Variants in ZMYM2 observed in about 807,000 individuals in gnomAD.
ZMYM2 encodes the protein zinc finger MYM-type protein 2.
ZMYM2 carries 56 observed loss-of-function variants against 162.8 expected under a neutral mutation model. That is an observed-to-expected ratio of 0.34 (90% CI 0.28 to 0.43). ZMYM2 has a LOEUF of 0.43. ZMYM2 is among the 20% of genes least tolerant of loss of function. The pLI, the probability that ZMYM2 is intolerant of heterozygous loss-of-function variation, is 1.00. For synonymous variants in ZMYM2, 510 were observed against 541.6 expected (o/e 0.94, Z 0.81); for missense variants, 1,275 against 1,621.8 (o/e 0.79, Z 3.67).
rs1174623729 is a variant in ZMYM2 at position 19,983,574 on chromosome 13, A to G, written c.-10-9489A>G. Among the ~76,000 whole-genome samples the G allele has an allele frequency of 2.6e-5, 4 of 152,186 alleles. No homozygotes were observed. The East Asian group carries it at 5.8e-4, about 22-fold the overall frequency. On this transcript the variant is annotated intron_variant, in intron 2 of 24. Coordinates refer to ENST00000610343, the MANE Select transcript of ZMYM2 (RefSeq NM_197968.4). ...CTTGACTTTAATGATAATGCTTTTA[A>G]TAATTCTTTCTTCCTATAATTCCTT... is the stretch of plus-strand genomic sequence containing the variant.
chr13:19,997,597 T>A (rs994920045), intron 3 of ZMYM2, among the ~76,000 whole-genome samples: 6 of 152,158 alleles, frequency 3.9e-5, no homozygotes, highest in African/African-American at 1.4e-4. Context: ...TTTAGAAAGC[T>A]CTTAGCAATT....
intron 4 of ZMYM2, among the ~76,000 whole-genome samples, chr13:20,003,610 A>G (rs1453183595): frequency 1.3e-5 from 2 of 150,346 alleles, no homozygotes; most frequent in African/African-American, 4.9e-5. Flanking sequence ...CCTCTCTTCT[A>G]CTGTTTTTTT....
Position 20,066,952 on chromosome 13 carries a change from A to G in ZMYM2, c.3234A>G (p.Ala1078=), listed in dbSNP as rs1203583907. 1.2e-6 allele frequency: 2 copies of G among 1,613,374 alleles called. No individual in the cohort carries two copies. Among genetic ancestry groups the G allele is most frequent in the African/African-American group, 2.7e-5 (2 of 74,912 alleles). The change falls in exon 20 of 25, where the codon GCA becomes GCG. Residue 1078 remains alanine (A), a synonymous_variant. Transcript: ENST00000610343. ...FPFKYTYGVN[A]WKHWVKTRQL... is the part of the protein sequence containing the mutation. ...TCAAATATACGTATGGCGTAAATGCATGGAAACACTGGGTCAAAACTAGGC... is the reference window on the plus strand; with the variant it reads ...TCAAATATACGTATGGCGTAAATGCGTGGAAACACTGGGTCAAAACTAGGC...
At chr13:20,059,425 T>G (rs1266473751) in intron 15 of ZMYM2, 22 bp from the exon 16 acceptor site, 1 of 1,612,252 alleles carries the variant, frequency 6.2e-7, no homozygotes, top group South Asian at 1.1e-5. Context: ...CATTGCTCCT[T>G]AAATATGTTT....
At chr13:20,048,309 A>T (rs1174757270) in intron 12 of ZMYM2, among the ~76,000 whole-genome samples, 3 of 151,826 alleles carry the variant, frequency 2.0e-5, no homozygotes, top group Non-Finnish European at 2.9e-5. Context: ...AATTTTTTTG[A>T]AATTATTTTT....
intron 12 of ZMYM2, among the ~76,000 whole-genome samples, chr13:20,043,431 C>T (rs1954461789): frequency 6.6e-6 from 1 of 152,138 alleles, no homozygotes; most frequent in South Asian, 2.1e-4. Context: ...GCACTTGCCA[C>T]AGTGGTGGAT....
chr13:20,082,344 A>G (rs1051952805), intron 22 of ZMYM2, among the ~76,000 whole-genome samples: 4 of 152,346 alleles, frequency 2.6e-5, no homozygotes, highest in Middle Eastern at 3.4e-3. Flanking sequence ...AATGTAATCT[A>G]CTTTCTCTGG....
the ZMYM2 span, among the ~76,000 whole-genome samples, chr13:19,921,910 G>A: frequency 1.2e-5 from 1 of 81,946 alleles, no homozygotes; most frequent in African/African-American, 3.3e-5. Context: ...GCAGTTACAA[G>A]TATTTTTTTT....
rs1432906557 is a variant in ZMYM2, at chr13:20,077,304, C to G, written c.3454-4712C>G. Among the ~76,000 whole-genome samples the G allele has an allele frequency of 3.3e-5, 5 of 150,398 alleles. 1 individual carries two copies. Among genetic ancestry groups the G allele is most frequent in the African/African-American group, 7.5e-5 (3 of 39,746 alleles). On this transcript the variant is annotated intron_variant, in intron 21 of 24. Transcript: ENST00000610343. ...CGTGCTTGATGTGTCATTCAGTCCT[C>G]TCAACAACTTTACTATAATTATCAG... is the stretch of plus-strand genomic sequence containing the variant.
the ZMYM2 span, among the ~76,000 whole-genome samples, chr13:19,914,434 A>T: frequency 6.6e-6 from 1 of 152,192 alleles, no homozygotes; most frequent in Non-Finnish European, 1.5e-5. Context: ...CCACTCTCCA[A>T]GGCTGACTTG....
the ZMYM2 span, among the ~76,000 whole-genome samples, chr13:19,893,551 A>G: frequency 6.6e-6 from 1 of 151,884 alleles, no homozygotes. Flanking sequence ...CAGCCGGGCC[A>G]GCATAGTGAA....
Position 20,062,950 on chromosome 13 carries a change from A to G in ZMYM2, c.3016A>G (p.Ile1006Val), listed in dbSNP as rs1309079681. ...TGTACCATATGAACCAGATTTGGATATCGAAATAGATTTTCCCAGAGGTAC... is the reference window on the plus strand; with the variant it reads ...TGTACCATATGAACCAGATTTGGATGTCGAAATAGATTTTCCCAGAGGTAC... ...PDVPYEPDLD[I>V]EIDFPRAAEE... is the part of the protein sequence containing the mutation. The change falls in exon 18 of 25, where the codon ATC (isoleucine) becomes GTC (valine). Residue 1006 changes from isoleucine to valine, a missense_variant. By Grantham distance (29) the Ile-to-Val change is conservative (BLOSUM62 3). This residue lies in a region of ZMYM2 where 229 missense variants were observed against 283.8 expected (regional missense o/e 0.81). Transcript: ENST00000610343. The G allele has an allele frequency of 1.9e-6, 3 of 1,602,286 alleles. No individual in the cohort carries two copies. The highest frequency in any genetic ancestry group is 2.6e-6 in the Non-Finnish European group (3 of 1,174,016).
chr13:19,997,391 G>A (rs760825899), intron 3 of ZMYM2, among the ~76,000 whole-genome samples: 12 of 152,108 alleles, frequency 7.9e-5, no homozygotes, highest in African/African-American at 1.4e-4. Context: ...TGCCCCTAAC[G>A]ATTTTTGGTT....
intron 12 of ZMYM2, among the ~76,000 whole-genome samples, chr13:20,043,692 T>C (rs912153911): frequency 2.4e-4 from 37 of 151,500 alleles, no homozygotes; most frequent in African/African-American, 8.3e-4. Context: ...GCAGTGTCGT[T>C]GGTGGGGCAA....
In ZMYM2 at chr13:20,085,986, A is replaced by G. The variant is rs760621848; in HGVS notation, c.4106A>G (p.Asn1369Ser). The change falls in exon 25 of 25, where the codon AAT (asparagine) becomes AGT (serine). Residue 1369 changes from asparagine (N) to serine (S), a missense_variant. By Grantham distance (46) the Asn-to-Ser change is conservative. Around this residue, in one of 10 missense-constraint regions of ZMYM2, gnomAD observed 69 missense variants for 78.4 expected, o/e 0.88. Coordinates refer to ENST00000610343, the MANE Select transcript of ZMYM2 (RefSeq NM_197968.4). ...LLVKDIYDKD[N>S]YELDEDTD ...GTAAAAGATATTTATGATAAAGACA[A>G]TTATGAACTGGATGAAGACACAGAC... The G allele has an allele frequency of 6.8e-6, 11 of 1,613,634 alleles. No individual in the cohort carries two copies. Among genetic ancestry groups the G allele is most frequent in the Middle Eastern group, 1.6e-4 (1 of 6,062 alleles).
At chr13:19,977,948 C>T (rs1367913637) in intron 2 of ZMYM2, among the ~76,000 whole-genome samples, 1 of 150,460 alleles carries the variant, frequency 6.6e-6, no homozygotes, top group Non-Finnish European at 1.5e-5. Context: ...ACAATCTCGG[C>T]TCACTGCAAG....
the ZMYM2 span, among the ~76,000 whole-genome samples, chr13:19,918,984 T>C: frequency 6.6e-6 from 1 of 152,274 alleles, no homozygotes; most frequent in South Asian, 2.1e-4. Flanking sequence ...CTCAAAGATG[T>C]CCCATGTGTT....
chr13:19,881,651 AAAAC>A, the ZMYM2 span, among the ~76,000 whole-genome samples: 3 of 151,830 alleles, frequency 2.0e-5, no homozygotes, highest in African/African-American at 4.8e-5. Flanking sequence ...AAAATAAAAT[AAAAC>A]AAATGAGAGT....
the ZMYM2 span, among the ~76,000 whole-genome samples, chr13:19,893,171 G>A: frequency 2.7e-5 from 4 of 150,568 alleles, no homozygotes; most frequent in East Asian, 2.0e-4. Flanking sequence ...GGTGGCTCAC[G>A]CCTGTAATCC....
Sources: allele counts gnomAD v4.1 joint callset (sites outside exome capture counted in the v4.1 genomes callset), GRCh38; gene constraint gnomAD v4.1.1; regional missense constraint gnomAD v4.1.1; transcripts MANE v1.5; gene names NCBI Gene and HGNC (gene_info 2026-07-23, HGNC 2026-07-21).